The following ARIH1 variants were observed in gnomAD, a reference collection of about 807,000 sequenced individuals.
The protein encoded by ARIH1 is E3 ubiquitin-protein ligase ARIH1.
ARIH1 carries 8 observed loss-of-function variants against 85.0 expected under a neutral mutation model. The observed-to-expected ratio is 0.09, with a 90% confidence interval of 0.06 to 0.17. The LOEUF (loss-of-function observed/expected upper bound fraction) is 0.17. ARIH1 is among the 10% of genes least tolerant of loss of function. The pLI is 1.00. For synonymous variants in ARIH1, 238 were observed against 253.6 expected, an observed-to-expected ratio of 0.94 and a Z score of 0.59; for missense variants, 311 against 718.1, an observed-to-expected ratio of 0.43 and a Z score of 6.48.
At position 72,594,013 on chromosome 15, in the gene ARIH1, A is replaced by G. The variant is rs1374773496; in HGVS notation, c.*10721A>G. On this transcript the variant is annotated 3_prime_UTR_variant, in exon 14 of 14. Coordinates refer to ENST00000379887, the MANE Select transcript of ARIH1 (RefSeq NM_005744.5). ...TTAATAGTATTGAGTCAGCTAATTC[A>G]TGAACATATTAAGTCTTGTCATTTA... 6.6e-6 allele frequency: 1 copy of G among 152,012 alleles called. No individual in the cohort carries two copies. Among genetic ancestry groups the G allele is most frequent in the Non-Finnish European group, 1.5e-5 (1 of 67,990 alleles). The allele number at this position is 152,012 out of a possible 1,614,324, so 9.4% of individuals were successfully genotyped here. A position where few individuals can be genotyped will look rare whatever the true frequency, so the allele number is the denominator to read the frequency against.
intron 1 of ARIH1, among the ~76,000 whole-genome samples, chr15:72,480,621 A>G (rs2063812727): frequency 1.3e-5 from 2 of 151,000 alleles, no homozygotes; most frequent in Admixed American, 1.3e-4. Flanking sequence ...CTGGAGTGCA[A>G]TGACGCGATC....
At position 72,582,260 on chromosome 15, in the gene ARIH1, T is replaced by C; in HGVS notation, c.1589+73T>C. Reference sequence around the variant, plus strand: ...CCTTACTGGTAAAGTTCAGTGATAGTGAAACTGGGTTTAGCATATCCAGCA... The same window carrying C: ...CCTTACTGGTAAAGTTCAGTGATAGCGAAACTGGGTTTAGCATATCCAGCA... On this transcript the variant is annotated intron_variant, in intron 13 of 13. Coordinates refer to ENST00000379887, the MANE Select transcript of ARIH1 (RefSeq NM_005744.5). The surrounding 1 kb of genome is among the most constrained non-coding windows in gnomAD (Gnocchi z 4.6). 1 of 1,036,982 alleles carries C rather than the reference T, an allele frequency of 9.6e-7. No individual in the cohort carries two copies. The highest frequency in any genetic ancestry group is 1.5e-6 in the Non-Finnish European group (1 of 688,422). The allele number at this position is 1,036,982 out of a possible 1,614,324, so 64.2% of individuals were successfully genotyped here.
chr15:72,553,376 A>G (rs1045934320), intron 3 of ARIH1, among the ~76,000 whole-genome samples: 2 of 152,206 alleles, frequency 1.3e-5, no homozygotes, highest in Non-Finnish European at 1.5e-5. Flanking sequence ...GCTATTCTGA[A>G]TAAATCTTTT....
chr15:72,528,320 T>C (rs2064039351), intron 2 of ARIH1, among the ~76,000 whole-genome samples: 1 of 152,210 alleles, frequency 6.6e-6, no homozygotes, highest in Non-Finnish European at 1.5e-5. Context: ...TCCTGGACTC[T>C]GTTACAAATA....
At chr15:72,529,116 T>A (rs921848905) in intron 2 of ARIH1, among the ~76,000 whole-genome samples, 7 of 151,848 alleles carry the variant, frequency 4.6e-5, no homozygotes, top group Admixed American at 4.6e-4. Flanking sequence ...AGGAGAATGG[T>A]GTGAACCCAG....
intron 1 of ARIH1, among the ~76,000 whole-genome samples, chr15:72,498,697 G>A (rs1039628485): frequency 6.6e-6 from 1 of 151,880 alleles, no homozygotes; most frequent in Non-Finnish European, 1.5e-5. Flanking sequence ...TACATTAGCT[G>A]GGTGTGGTGG....
intron 1 of ARIH1, among the ~76,000 whole-genome samples, chr15:72,506,953 C>T (rs1404064215): frequency 6.6e-6 from 1 of 151,822 alleles, no homozygotes; most frequent in East Asian, 1.9e-4. Context: ...ATAGGAATGT[C>T]ATTCAGCAAT....
At chr15:72,552,702 T>C (rs1459362096) in intron 3 of ARIH1, among the ~76,000 whole-genome samples, 11 of 151,748 alleles carry the variant, frequency 7.2e-5, no homozygotes, top group Admixed American at 2.6e-4. Context: ...TCTGGAAGAA[T>C]ATGTAAAAAA....
chr15:72,481,728 C>T (rs1386008728), intron 1 of ARIH1, among the ~76,000 whole-genome samples: 3 of 152,104 alleles, frequency 2.0e-5, no homozygotes, highest in African/African-American at 7.2e-5. Context: ...ACCTAGGCAA[C>T]GTTTACTAGG....
rs191147934 is a variant in ARIH1, at chr15:72,584,818, T to C, written c.*1526T>C. On this transcript the variant is annotated 3_prime_UTR_variant, in exon 14 of 14. Coordinates refer to ENST00000379887, the MANE Select transcript of ARIH1 (RefSeq NM_005744.5). ...TGGTTGTATTAACTATATACCTGTT[T>C]AGGCCATTCTGGCTGTGGTATTTTT... 2.0e-5 allele frequency: 3 copies of C among 151,790 alleles called. No homozygotes were observed. Among genetic ancestry groups the C allele is most frequent in the South Asian group, 4.2e-4 (2 of 4,792 alleles). The allele number at this position is 151,790 out of a possible 1,614,324, so 9.4% of individuals were successfully genotyped here.
intron 2 of ARIH1, among the ~76,000 whole-genome samples, chr15:72,523,135 T>C (rs997260573): frequency 1.3e-5 from 2 of 152,166 alleles, no homozygotes; most frequent in East Asian, 3.8e-4. Context: ...CAATCAAAAC[T>C]TCTTTAAAAT....
chr15:72,590,437 A>G lies in ARIH1; in HGVS notation c.*7145A>G, dbSNP rs1258649700. On this transcript the variant is annotated 3_prime_UTR_variant, in exon 14 of 14. Coordinates refer to ENST00000379887, the MANE Select transcript of ARIH1 (RefSeq NM_005744.5). ...GACCTCAGATACACTGTTCAGAAGTACTCAAAGTATTCCTTTTTTCTCACA... is the reference window on the plus strand; with the variant it reads ...GACCTCAGATACACTGTTCAGAAGTGCTCAAAGTATTCCTTTTTTCTCACA... The G allele has an allele frequency of 6.6e-6, 1 of 152,186 alleles. No individual in the cohort carries two copies. Among genetic ancestry groups the G allele is most frequent in the Non-Finnish European group, 1.5e-5 (1 of 68,042 alleles). 9.4% of individuals were successfully genotyped at this position (152,186 alleles called of 1,614,324 possible).
rs892762812 is a variant in ARIH1 at position 72,593,022 on chromosome 15, C to T, written c.*9730C>T. The stretch of plus-strand genomic sequence containing the variant: ...TCCAAAGTGGTTTTACCATTTTGTA[C>T]TCCTATCAGTGATGTATGAGAGTTA... On this transcript the variant is annotated 3_prime_UTR_variant, in exon 14 of 14. Coordinates refer to ENST00000379887, the MANE Select transcript of ARIH1 (RefSeq NM_005744.5). 2.0e-5 allele frequency: 3 copies of T among 152,128 alleles called. No homozygotes were observed. The highest frequency in any genetic ancestry group is 1.9e-4 in the East Asian group (1 of 5,198). The allele number at this position is 152,128 out of a possible 1,614,324, so 9.4% of individuals were successfully genotyped here. A position where few individuals can be genotyped will look rare whatever the true frequency, so the allele number is the denominator to read the frequency against.
chr15:72,552,412 T>G (rs2064156503), intron 3 of ARIH1, among the ~76,000 whole-genome samples: 1 of 151,892 alleles, frequency 6.6e-6, no homozygotes, highest in South Asian at 2.1e-4. Flanking sequence ...CTCAGTCTCC[T>G]GAGTAGCTGG....
At chr15:72,547,682 C>T (rs1199531882) in intron 3 of ARIH1, among the ~76,000 whole-genome samples, 1 of 152,112 alleles carries the variant, frequency 6.6e-6, no homozygotes, top group Non-Finnish European at 1.5e-5. Context: ...AATATTTTGA[C>T]TATTTTATTG....
At chr15:72,518,894 C>G (rs2063986713) in intron 2 of ARIH1, among the ~76,000 whole-genome samples, 1 of 152,114 alleles carries the variant, frequency 6.6e-6, no homozygotes, top group Admixed American at 6.5e-5. Flanking sequence ...TTCTGGCCAC[C>G]AGACCAGGTG....
At chr15:72,527,340 A>T (rs1032974466) in intron 2 of ARIH1, among the ~76,000 whole-genome samples, 4 of 152,160 alleles carry the variant, frequency 2.6e-5, no homozygotes, top group African/African-American at 9.7e-5. Context: ...TACCTCTGCA[A>T]CGTCTGAAAG....
chr15:72,493,185 A>G (rs868465092), intron 1 of ARIH1, among the ~76,000 whole-genome samples: 1 of 152,056 alleles, frequency 6.6e-6, no homozygotes, highest in Non-Finnish European at 1.5e-5. Context: ...AACCCTTCTC[A>G]TGATAGCGAT....
chr15:72,549,225 T>C (rs1018976573), intron 3 of ARIH1, among the ~76,000 whole-genome samples: 10 of 151,784 alleles, frequency 6.6e-5, no homozygotes, highest in African/African-American at 2.4e-4. Context: ...GTAGCTGGGA[T>C]TACAGCCGCC....
Sources: allele counts gnomAD v4.1 joint callset (sites outside exome capture counted in the v4.1 genomes callset), GRCh38; gene constraint gnomAD v4.1.1; non-coding constraint Gnocchi (gnomAD v3.1); transcripts MANE v1.5; gene names NCBI Gene and HGNC (gene_info 2026-07-23, HGNC 2026-07-21).